Variants in IL1RAPL2 observed in about 807,000 individuals in gnomAD.
The protein encoded by IL1RAPL2 is X-linked interleukin-1 receptor accessory protein-like 2.
Under a neutral mutation model 44.1 loss-of-function variants are expected in IL1RAPL2, and 3 were observed. The observed-to-expected ratio is 0.07, with a 90% confidence interval of 0.03 to 0.18. IL1RAPL2 has a LOEUF of 0.18. Among genes scored for constraint, IL1RAPL2 ranks in the 10% least tolerant of loss-of-function variants. IL1RAPL2 has a pLI of 1.00. For synonymous variants in IL1RAPL2, 181 were observed against 178.8 expected, an observed-to-expected ratio of 1.01 and a Z score of -0.10; for missense variants, 391 against 496.4, an observed-to-expected ratio of 0.79 and a Z score of 2.02.
At chrX:104,738,736 TC>T (rs1289806148) in intron 2 of IL1RAPL2, among the ~76,000 whole-genome samples, 2 of 111,166 alleles carry the variant, frequency 1.8e-5, no homozygotes, top group African/African-American at 6.6e-5. Context: ...GGCCAGGAGT[TC>T]AAGACCAGCC....
intron 2 of IL1RAPL2, among the ~76,000 whole-genome samples, chrX:105,079,394 C>T (rs1339206916): frequency 9.2e-6 from 1 of 108,657 alleles, no homozygotes; most frequent in East Asian, 3.1e-4. Flanking sequence ...GCACTATTCA[C>T]AACAGCAAAG....
At chrX:105,311,527 T>C in intron 5 of IL1RAPL2, among the ~76,000 whole-genome samples, 1 of 108,763 alleles carries the variant, frequency 9.2e-6, no homozygotes, top group South Asian at 3.9e-4. Flanking sequence ...TTAGTTTTTC[T>C]ACTTATAAAA....
chrX:105,454,216 C>CT (rs1279882035), intron 5 of IL1RAPL2, among the ~76,000 whole-genome samples: 2 of 111,665 alleles, frequency 1.8e-5, no homozygotes, highest in African/African-American at 6.5e-5. Flanking sequence ...CTTGCAGGCC[C>CT]TGATCCCAGT....
intron 1 of IL1RAPL2, among the ~76,000 whole-genome samples, chrX:104,574,249 TTAACA>T (rs1928203122): frequency 9.0e-6 from 1 of 111,347 alleles, no homozygotes; most frequent in Admixed American, 9.5e-5. Context: ...GTAGTTATTC[TTAACA>T]TAAAAGAACT....
At chrX:104,701,475 A>G (rs1418636826) in intron 2 of IL1RAPL2, among the ~76,000 whole-genome samples, 1 of 111,584 alleles carries the variant, frequency 9.0e-6, no homozygotes, top group Non-Finnish European at 1.9e-5. Flanking sequence ...CACAGATTGT[A>G]ATCTGTTTTG....
At chrX:105,510,718 A>C (rs752493932) in intron 6 of IL1RAPL2, among the ~76,000 whole-genome samples, 1 of 111,537 alleles carries the variant, frequency 9.0e-6, no homozygotes, top group African/African-American at 3.3e-5. Context: ...GAACTTACTG[A>C]TGCTGACTTT....
chrX:105,744,000 C>A (rs946487316), intron 8 of IL1RAPL2, among the ~76,000 whole-genome samples: 1 of 111,684 alleles, frequency 9.0e-6, no homozygotes, highest in Non-Finnish European at 1.9e-5. Context: ...TAGACAAAAT[C>A]AAAACATAGA....
At position 105,177,813 on chromosome X, in the gene IL1RAPL2, T is replaced by C. The variant is rs149381145; in HGVS notation, c.83-17662T>C. Among the ~76,000 whole-genome samples the C allele has an allele frequency of 5.3e-3, 591 of 111,907 alleles. 17 individuals are homozygous for C. Among genetic ancestry groups the C allele is most frequent in the Admixed American group, 0.048 (507 of 10,509 alleles). On this transcript the variant is annotated intron_variant, in intron 2 of 10. Transcript: ENST00000372582. ...ATATACTAGGATGAATCATACAAAA[T>C]TGTCAATATTTGAACTTTCTAAACA...
At chrX:104,633,534 G>C (rs1234371740) in intron 1 of IL1RAPL2, among the ~76,000 whole-genome samples, 4 of 111,559 alleles carry the variant, frequency 3.6e-5, no homozygotes. Context: ...TTATTTGTCT[G>C]TTCAGAGATT....
At chrX:105,294,946 A>T (rs1245194108) in intron 5 of IL1RAPL2, among the ~76,000 whole-genome samples, 1 of 111,933 alleles carries the variant, frequency 8.9e-6, no homozygotes, top group Admixed American at 9.5e-5. Flanking sequence ...TTAGCAGCAG[A>T]TACCTCATGG....
chrX:104,821,384 G>A (rs2385808), intron 2 of IL1RAPL2, among the ~76,000 whole-genome samples: 47,278 of 109,405 alleles, frequency 0.43, 7,438 homozygotes, highest in East Asian at 0.46. Context: ...TCCTAATGCT[G>A]TCCCTCCCCT....
At chrX:104,759,114 A>G (rs1932386602) in intron 2 of IL1RAPL2, among the ~76,000 whole-genome samples, 1 of 112,375 alleles carries the variant, frequency 8.9e-6, no homozygotes, top group Non-Finnish European at 1.9e-5. Context: ...GACGGCCCAC[A>G]CTTATATATG....
chrX:105,758,943 T>C (rs1053286267), intron 10 of IL1RAPL2, among the ~76,000 whole-genome samples: 1 of 111,813 alleles, frequency 8.9e-6, no homozygotes, highest in Non-Finnish European at 1.9e-5. Context: ...TTTTGTGGTA[T>C]AAACTACTCT....
intron 2 of IL1RAPL2, among the ~76,000 whole-genome samples, chrX:104,782,994 T>C (rs1451257392): frequency 4.5e-5 from 5 of 112,015 alleles, no homozygotes; most frequent in Non-Finnish European, 9.4e-5. Context: ...CTGGGCTTTC[T>C]TTAGGAAAAT....
At chrX:105,078,146 T>C (rs2032340221) in intron 2 of IL1RAPL2, among the ~76,000 whole-genome samples, 1 of 111,741 alleles carries the variant, frequency 8.9e-6, no homozygotes, top group Admixed American at 9.6e-5. Flanking sequence ...GCTCTGTTTT[T>C]TCCCCATCTT....
rs757981972 is a variant in IL1RAPL2 at position 105,293,437 on chromosome X, T to C, written c.697+25896T>C. ...TGCTGGATCAAAGGTTATATGCTTT[T>C]TAAATTTGATAAGACTGCCAATTTG... is the stretch of plus-strand genomic sequence containing the variant. On this transcript the variant is annotated intron_variant, in intron 5 of 10. Coordinates refer to ENST00000372582, the MANE Select transcript of IL1RAPL2 (RefSeq NM_017416.2). Among the ~76,000 whole-genome samples the C allele has an allele frequency of 6.2e-5, 7 of 112,145 alleles. No individual in the cohort carries two copies. In the East Asian group the frequency reaches 2.0e-3, roughly 32 times the overall value.
intron 2 of IL1RAPL2, among the ~76,000 whole-genome samples, chrX:104,911,052 T>C (rs933821934): frequency 8.9e-5 from 10 of 111,896 alleles, no homozygotes; most frequent in Non-Finnish European, 1.7e-4. Flanking sequence ...TATGGACATA[T>C]TAATAGAATG....
intron 2 of IL1RAPL2, among the ~76,000 whole-genome samples, chrX:104,854,123 A>T (rs1922298776): frequency 9.0e-6 from 1 of 111,554 alleles, no homozygotes; most frequent in African/African-American, 3.3e-5. Flanking sequence ...CACAACTTTT[A>T]AAATGGATTA....
chrX:104,847,112 T>G (rs1400252797), intron 2 of IL1RAPL2, among the ~76,000 whole-genome samples: 3 of 111,857 alleles, frequency 2.7e-5, no homozygotes, highest in African/African-American at 6.5e-5. Flanking sequence ...CAGATGAGTA[T>G]ATTGCAAAAA....
Sources: gnomAD v4.1 joint callset for allele counts (sites outside exome capture counted in the v4.1 genomes callset) on GRCh38, gnomAD v4.1.1 for gene constraint, MANE v1.5 for transcripts, NCBI Gene and HGNC (gene_info 2026-07-23, HGNC 2026-07-21) for gene names.